The following ZMAT4 variants were observed in gnomAD, a reference collection of about 807,000 sequenced individuals.
ZMAT4 encodes zinc finger matrin-type 4.
Under a neutral mutation model 28.7 loss-of-function variants are expected in ZMAT4, and 17 were observed. The observed-to-expected ratio is 0.59, with a 90% CI of 0.41 to 0.89. The LOEUF (loss-of-function observed/expected upper bound fraction) is 0.89. ZMAT4 is among the 40% of genes least tolerant of loss of function. ZMAT4 has a pLI of 0.00. For missense variants in ZMAT4, 240 were observed against 283.8 expected, an observed-to-expected ratio of 0.85 and a Z score of 1.11; for synonymous variants, 117 against 109.2, an observed-to-expected ratio of 1.07 and a Z score of -0.44.
chr8:40,601,509 G>GAAAGAA (rs781484684), intron 5 of ZMAT4, among the ~76,000 whole-genome samples: 15 of 105,492 alleles, frequency 1.4e-4, no homozygotes, highest in Non-Finnish European at 2.6e-4. Flanking sequence ...AAGAAAGAAA[G>GAAAGAA]AGAAAGAGAA....
intron 3 of ZMAT4, among the ~76,000 whole-genome samples, chr8:40,765,199 A>G (rs1012361659): frequency 2.0e-5 from 3 of 152,050 alleles, no homozygotes; most frequent in African/African-American, 7.2e-5. Context: ...ATAAGACACC[A>G]TTTCTTATTC....
chr8:40,810,971 T>C (rs1406526619), intron 2 of ZMAT4, among the ~76,000 whole-genome samples: 1 of 152,140 alleles, frequency 6.6e-6, no homozygotes, highest in African/African-American at 2.4e-5. Context: ...ATAACAATAA[T>C]ATATATCAAA....
At chr8:40,774,899 A>C (rs528111948) in intron 2 of ZMAT4, among the ~76,000 whole-genome samples, 1 of 152,324 alleles carries the variant, frequency 6.6e-6, no homozygotes, top group South Asian at 2.1e-4. Context: ...AAATCATTCC[A>C]ATAATCAGAT....
intron 2 of ZMAT4, among the ~76,000 whole-genome samples, chr8:40,784,389 C>G (rs1037398010): frequency 5.9e-5 from 9 of 152,056 alleles, no homozygotes; most frequent in Non-Finnish European, 1.3e-4. Flanking sequence ...TTTAAAAATT[C>G]AAGTAGCTAG....
chr8:40,564,357 C>T (rs952900893), intron 6 of ZMAT4, among the ~76,000 whole-genome samples: 2 of 152,122 alleles, frequency 1.3e-5, no homozygotes, highest in Admixed American at 1.3e-4. Context: ...CCCTAAAAGG[C>T]CAAGATTTTC....
chr8:40,881,059 T>C lies in ZMAT4; in HGVS notation c.-5+16624A>G, dbSNP rs570111964. Among the ~76,000 whole-genome samples the C allele has an allele frequency of 1.3e-5, 2 of 152,228 alleles. 1 individual carries two copies. The highest frequency in any genetic ancestry group is 4.1e-4 in the South Asian group (2 of 4,826). ...TGAGACTACTTAGAATGTTCTGGAA[T>C]TTATGTAAGCCTTGATTGAAAAATA... On this transcript the variant is annotated intron_variant, in intron 1 of 6. Coordinates refer to ENST00000297737, the MANE Select transcript of ZMAT4 (RefSeq NM_024645.3).
chr8:40,714,551 G>A (rs1319334491), intron 3 of ZMAT4, among the ~76,000 whole-genome samples: 1 of 152,184 alleles, frequency 6.6e-6, no homozygotes, highest in Non-Finnish European at 1.5e-5. Context: ...TCTTAAAGCA[G>A]CTTTTTATGG....
At chr8:40,792,062 T>C (rs1814350188) in intron 2 of ZMAT4, among the ~76,000 whole-genome samples, 3 of 152,246 alleles carry the variant, frequency 2.0e-5, no homozygotes. Context: ...CTAGTCTGAC[T>C]GGACTTTGAG....
intron 6 of ZMAT4, among the ~76,000 whole-genome samples, chr8:40,550,053 G>A (rs1803321245): frequency 6.6e-6 from 1 of 152,120 alleles, no homozygotes; most frequent in African/African-American, 2.4e-5. Context: ...GGGTGACTGT[G>A]GTAGCCCTGA....
intron 5 of ZMAT4, among the ~76,000 whole-genome samples, chr8:40,598,059 A>AT (rs34348947): frequency 0.49 from 70,525 of 144,766 alleles, 18,641 homozygotes; most frequent in Non-Finnish European, 0.64. Context: ...AGCTCCCTGA[A>AT]TTTTTTTTAT....
chr8:40,718,014 G>T (rs1221976732), intron 3 of ZMAT4, among the ~76,000 whole-genome samples: 1 of 152,154 alleles, frequency 6.6e-6, no homozygotes, highest in Non-Finnish European at 1.5e-5. Flanking sequence ...ACTTTATACA[G>T]ATTTCACTAG....
At chr8:40,546,261 C>T (rs76897615) in intron 6 of ZMAT4, among the ~76,000 whole-genome samples, 5,469 of 150,240 alleles carry the variant, frequency 0.036, 179 homozygotes, top group East Asian at 0.13. Flanking sequence ...ACAGCACTAG[C>T]TGACCTATTT....
intron 6 of ZMAT4, among the ~76,000 whole-genome samples, chr8:40,556,400 C>T (rs1309863809): frequency 6.6e-6 from 1 of 152,070 alleles, no homozygotes; most frequent in African/African-American, 2.4e-5. Flanking sequence ...TGGAGTGATA[C>T]CTCCATCATC....
At chr8:40,544,046 A>T (rs1379590799) in intron 6 of ZMAT4, among the ~76,000 whole-genome samples, 1 of 152,134 alleles carries the variant, frequency 6.6e-6, no homozygotes, top group Non-Finnish European at 1.5e-5. Context: ...GCAGTCAGGG[A>T]AGGGGATGCC....
chr8:40,878,434 G>A (rs1037239746), intron 1 of ZMAT4, among the ~76,000 whole-genome samples: 22 of 152,312 alleles, frequency 1.4e-4, no homozygotes, highest in African/African-American at 4.1e-4. Context: ...TAAAGCAAGT[G>A]TGTCCTATTT....
At chr8:40,607,589 G>A (rs1007432377) in intron 5 of ZMAT4, among the ~76,000 whole-genome samples, 1 of 152,018 alleles carries the variant, frequency 6.6e-6, no homozygotes, top group Non-Finnish European at 1.5e-5. Context: ...ATTTCTTGGG[G>A]ATGTTAAAGC....
chr8:40,738,987 C>T (rs1203707775), intron 3 of ZMAT4, among the ~76,000 whole-genome samples: 1 of 152,116 alleles, frequency 6.6e-6, no homozygotes, highest in Non-Finnish European at 1.5e-5. Flanking sequence ...GTTAGATTTT[C>T]CCTCTTTACT....
chr8:40,665,923 A>T (rs112722470), intron 5 of ZMAT4, among the ~76,000 whole-genome samples: 1 of 152,180 alleles, frequency 6.6e-6, no homozygotes. Flanking sequence ...CGGTTCTTGG[A>T]AACATTATTA....
intron 6 of ZMAT4, among the ~76,000 whole-genome samples, chr8:40,570,328 T>C (rs888124539): frequency 3.9e-5 from 6 of 152,144 alleles, no homozygotes; most frequent in African/African-American, 1.4e-4. Context: ...TAGATGACTG[T>C]CAAAACCCAT....
Sources: gnomAD v4.1 joint callset for allele counts (sites outside exome capture counted in the v4.1 genomes callset) on GRCh38, gnomAD v4.1.1 for gene constraint, MANE v1.5 for transcripts, NCBI Gene and HGNC (gene_info 2026-07-23, HGNC 2026-07-21) for gene names.